CFAP61: variants seen among roughly 807,000 people sequenced by gnomAD.
The protein encoded by CFAP61 is cilia- and flagella-associated protein 61.
Under a neutral mutation model 135.6 loss-of-function variants are expected in CFAP61, and 107 were observed. That is an observed-to-expected ratio of 0.79 (90% CI 0.67 to 0.93). The LOEUF (loss-of-function observed/expected upper bound fraction) is 0.93, where lower values mean the gene tolerates loss of function less well. Among genes scored for constraint, CFAP61 ranks in the 40% least tolerant of loss-of-function variants. The pLI, the probability that CFAP61 is intolerant of heterozygous loss-of-function variation, is 0.00. For synonymous variants in CFAP61, 575 were observed against 578.5 expected, an observed-to-expected ratio of 0.99 and a Z score of 0.09; for missense variants, 1,507 against 1,556.2, an observed-to-expected ratio of 0.97 and a Z score of 0.53.
Position 20,069,966 on chromosome 20 carries a change from C to A in CFAP61, c.144-888C>A, listed in dbSNP as rs6112741. ...CTATTTCTTCCTCCAACTTAAGATG[C>A]CAGTAGATTTCATTTCACTAAGAAA... is the stretch of plus-strand genomic sequence containing the variant. On this transcript the variant is annotated intron_variant, in intron 2 of 26. Coordinates refer to ENST00000245957, the MANE Select transcript of CFAP61 (RefSeq NM_015585.4). 1.9e-3 allele frequency: 511 copies of A among 271,966 alleles called. 3 individuals are homozygous for A. Among genetic ancestry groups the A allele is most frequent in the African/African-American group, 9.9e-3 (449 of 45,434 alleles). 16.8% of individuals were successfully genotyped at this position (271,966 alleles called of 1,614,324 possible). A position where few individuals can be genotyped will look rare whatever the true frequency, so the allele number is the denominator to read the frequency against.
At chr20:20,333,896 C>T (rs544715294) in intron 25 of CFAP61, among the ~76,000 whole-genome samples, 56 of 152,262 alleles carry the variant, frequency 3.7e-4, no homozygotes, top group African/African-American at 1.2e-3. Context: ...AGCCTCCCTC[C>T]CTCGTCAGGG....
intron 25 of CFAP61, chr20:20,322,922 T>C (rs903037985): frequency 3.3e-5 from 33 of 985,460 alleles, no homozygotes; most frequent in Non-Finnish European, 4.0e-5. Context: ...AAGTAGCTTA[T>C]TTATTGAATT....
In CFAP61 at chr20:20,191,954, T is replaced by G. The variant is rs147693499; in HGVS notation, c.1590+535T>G. Among the ~76,000 whole-genome samples, 556 of 152,258 alleles carry G rather than the reference T, an allele frequency of 3.7e-3. 7 individuals carry two copies. The highest frequency in any genetic ancestry group is 0.013 in the African/African-American group (525 of 41,514). On this transcript the variant is annotated intron_variant, in intron 15 of 26. Transcript: ENST00000245957. The stretch of plus-strand genomic sequence containing the variant: ...TATGCCTATGTCTATTTTTAAACTC[T>G]GTTCTGTTCCGTGGATTTATCTGTT...
intron 18 of CFAP61, among the ~76,000 whole-genome samples, chr20:20,236,982 T>G (rs1356042298): frequency 6.6e-6 from 1 of 152,262 alleles, no homozygotes; most frequent in Non-Finnish European, 1.5e-5. Flanking sequence ...AAAACATCAT[T>G]AATCATTTCC....
At chr20:20,115,202 A>C (rs1405150075) in intron 8 of CFAP61, among the ~76,000 whole-genome samples, 1 of 152,084 alleles carries the variant, frequency 6.6e-6, no homozygotes, top group Non-Finnish European at 1.5e-5. Flanking sequence ...TCCTTGCCAG[A>C]CTTTGGAAAT....
intron 17 of CFAP61, among the ~76,000 whole-genome samples, chr20:20,210,773 T>C (rs1263668817): frequency 6.6e-6 from 1 of 152,226 alleles, no homozygotes; most frequent in Non-Finnish European, 1.5e-5. Context: ...AGCCTAACTT[T>C]CAGGCCTTTT....
chr20:20,079,669 T>C (rs1447678803), intron 6 of CFAP61, among the ~76,000 whole-genome samples: 2 of 152,200 alleles, frequency 1.3e-5, no homozygotes, highest in Non-Finnish European at 2.9e-5. Flanking sequence ...AGATACATAT[T>C]ATCTACCTAA....
intron 8 of CFAP61, among the ~76,000 whole-genome samples, chr20:20,113,431 T>C (rs1183746526): frequency 6.6e-6 from 1 of 152,212 alleles, no homozygotes; most frequent in Admixed American, 6.5e-5. Context: ...TATGTTTAGC[T>C]TTGAATTACA....
Position 20,090,776 on chromosome 20 carries a change from A to G in CFAP61, c.567-68A>G, listed in dbSNP as rs2047136061. 9 of 1,540,490 alleles carry G rather than the reference A, an allele frequency of 5.8e-6. No homozygotes were observed. In the South Asian group the frequency reaches 1.0e-4, roughly 18 times the overall value. On this transcript the variant is annotated intron_variant, in intron 6 of 26. Transcript: ENST00000245957. ...GCACTTAGAACAGGGTCTGGCACAC[A>G]GTTGGTGCCCTGTTGAAGGAAAAAA...
At chr20:20,172,596 G>A (rs781234546) in intron 13 of CFAP61, among the ~76,000 whole-genome samples, 4 of 152,122 alleles carry the variant, frequency 2.6e-5, no homozygotes, top group African/African-American at 4.8e-5. Context: ...GCAATTACAG[G>A]TGTGAGGCAC....
intron 13 of CFAP61, among the ~76,000 whole-genome samples, chr20:20,170,151 GA>G (rs1170765218): frequency 6.6e-6 from 1 of 152,182 alleles, no homozygotes; most frequent in Non-Finnish European, 1.5e-5. Flanking sequence ...GGCCCAGCCA[GA>G]GGAAGCTTTC....
chr20:20,237,707 C>T (rs1401928369), intron 18 of CFAP61, among the ~76,000 whole-genome samples: 1 of 152,180 alleles, frequency 6.6e-6, no homozygotes. Context: ...AATACCAGTC[C>T]GTGCTCAGTT....
intron 25 of CFAP61, among the ~76,000 whole-genome samples, chr20:20,317,769 A>G (rs2057222422): frequency 6.6e-6 from 1 of 152,154 alleles, no homozygotes; most frequent in Non-Finnish European, 1.5e-5. Flanking sequence ...TCACGCTGGG[A>G]TCCCAGAGTT....
At chr20:20,182,174 C>T (rs1000878880) in intron 13 of CFAP61, among the ~76,000 whole-genome samples, 18 of 152,134 alleles carry the variant, frequency 1.2e-4, no homozygotes, top group Admixed American at 1.2e-3. Flanking sequence ...TATGATTTAT[C>T]TGAGAATAGG....
At chr20:20,256,775 GA>G (rs2051625218) in intron 20 of CFAP61, among the ~76,000 whole-genome samples, 1 of 152,188 alleles carries the variant, frequency 6.6e-6, no homozygotes, top group East Asian at 1.9e-4. Flanking sequence ...AGATATTCTA[GA>G]AGAAAACTTT....
At chr20:20,108,885 C>T (rs1391721562) in intron 8 of CFAP61, among the ~76,000 whole-genome samples, 1 of 152,190 alleles carries the variant, frequency 6.6e-6, no homozygotes, top group Non-Finnish European at 1.5e-5. Flanking sequence ...TATGTTACTA[C>T]AATTTAATCC....
At chr20:20,141,494 AC>A (rs1272854438) in intron 8 of CFAP61, among the ~76,000 whole-genome samples, 1 of 152,078 alleles carries the variant, frequency 6.6e-6, no homozygotes, top group African/African-American at 2.4e-5. Context: ...TAAGTGATTT[AC>A]CCTCTCTTCT....
intron 1 of CFAP61, among the ~76,000 whole-genome samples, chr20:20,053,792 AAAAT>A (rs1368707464): frequency 2.0e-5 from 3 of 152,202 alleles, no homozygotes; most frequent in Non-Finnish European, 2.9e-5. Flanking sequence ...GCCACCTAAC[AAAAT>A]AAATAAATAT....
At chr20:20,234,309 G>A (rs1230878146) in intron 18 of CFAP61, among the ~76,000 whole-genome samples, 3 of 152,196 alleles carry the variant, frequency 2.0e-5, no homozygotes, top group Non-Finnish European at 4.4e-5. Context: ...GTGGGTCAGG[G>A]TGAGGTGAGT....
Sources: allele counts gnomAD v4.1 joint callset (sites outside exome capture counted in the v4.1 genomes callset), GRCh38; gene constraint gnomAD v4.1.1; transcripts MANE v1.5; gene names NCBI Gene and HGNC (gene_info 2026-07-23, HGNC 2026-07-21).